Variants in CYP20A1 observed in about 807,000 individuals in gnomAD.
CYP20A1 encodes the protein cytochrome P450 20A1.
Under a neutral mutation model 61.4 loss-of-function variants are expected in CYP20A1, and 61 were observed. The observed-to-expected ratio is 0.99, with a 90% CI of 0.81 to 1.23. CYP20A1 has a LOEUF of 1.23. CYP20A1 is among the 50% of genes most tolerant of loss of function. The probability of loss-of-function intolerance (pLI) is 0.00; values close to 1 mark genes in which losing one functional copy is unlikely to be tolerated. For missense variants in CYP20A1, 530 were observed against 542.4 expected (o/e 0.98, Z 0.23); for synonymous variants, 193 against 188.2 (o/e 1.03, Z -0.21).
intron 4 of CYP20A1, among the ~76,000 whole-genome samples, chr2:203,258,262 T>A (rs2066998031): frequency 1.3e-5 from 2 of 152,208 alleles, no homozygotes; most frequent in African/African-American, 4.8e-5. Flanking sequence ...GGCACATGCC[T>A]GTATTCCCAA....
intron 9 of CYP20A1, among the ~76,000 whole-genome samples, chr2:203,287,593 C>G (rs2068334306): frequency 6.6e-6 from 1 of 152,074 alleles, no homozygotes; most frequent in South Asian, 2.1e-4. Context: ...ATGGTTACAA[C>G]TACTAGGGAG....
chr2:203,266,794 C>A, intron 5 of CYP20A1, 113 bp downstream of exon 5: 4 of 851,028 alleles, frequency 4.7e-6, no homozygotes, highest in African/African-American at 1.7e-5. Flanking sequence ...CAGCCTGCCC[C>A]ACATGGTAAA....
intron 1 of CYP20A1, among the ~76,000 whole-genome samples, chr2:203,242,336 G>A (rs1014015046): frequency 6.6e-6 from 1 of 152,130 alleles, no homozygotes; most frequent in African/African-American, 2.4e-5. Context: ...AACCTAAATG[G>A]TGTGGATTCA....
At chr2:203,290,447 A>G (rs962717785) in intron 10 of CYP20A1, among the ~76,000 whole-genome samples, 3 of 152,190 alleles carry the variant, frequency 2.0e-5, no homozygotes, top group Non-Finnish European at 4.4e-5. Flanking sequence ...TACTCTGTGT[A>G]TATATGTATA....
At chr2:203,254,104 G>C in intron 4 of CYP20A1, among the ~76,000 whole-genome samples, 1 of 27,410 alleles carries the variant, frequency 3.6e-5, no homozygotes, top group South Asian at 2.2e-3. Flanking sequence ...CTGCCACCAT[G>C]CCCAGCTCAT....
chr2:203,244,187 T>C (rs2066366224), intron 1 of CYP20A1, among the ~76,000 whole-genome samples: 1 of 151,868 alleles, frequency 6.6e-6, no homozygotes, highest in African/African-American at 2.4e-5. Flanking sequence ...AGAAAATGGC[T>C]CCGGCACAGC....
At chr2:203,259,654 G>T (rs1273752216) in intron 4 of CYP20A1, 1 of 151,816 alleles carries the variant, frequency 6.6e-6, no homozygotes, top group Non-Finnish European at 1.5e-5. Flanking sequence ...GGAGGCCAAG[G>T]CGGGCAGATC....
intron 10 of CYP20A1, among the ~76,000 whole-genome samples, chr2:203,291,744 T>G (rs1294845480): frequency 6.6e-6 from 1 of 152,050 alleles, no homozygotes; most frequent in Non-Finnish European, 1.5e-5. Context: ...TTGTTACATA[T>G]GTATACATGT....
rs1378824496 is a variant in CYP20A1, at chr2:203,285,749, A to G, written c.971+17A>G. 1.9e-6 allele frequency: 3 copies of G among 1,544,448 alleles called. No individual in the cohort carries two copies. Among genetic ancestry groups the G allele is most frequent in the Non-Finnish European group, 2.6e-6 (3 of 1,156,542 alleles). The stretch of plus-strand genomic sequence containing the variant: ...GCAGCTCAGGTAAGAACACAATAAA[A>G]AGAGGAGATTATTAAAAGGTAAATT... On this transcript the variant is annotated intron_variant, in intron 9 of 12. Transcript: ENST00000356079.
intron 3 of CYP20A1, among the ~76,000 whole-genome samples, chr2:203,250,469 C>T (rs2066618727): frequency 6.6e-6 from 1 of 151,816 alleles, no homozygotes; most frequent in African/African-American, 2.4e-5. Flanking sequence ...TGAAGTCAGG[C>T]AATCTGGTTC....
intron 4 of CYP20A1, among the ~76,000 whole-genome samples, chr2:203,261,938 G>C (rs917290082): frequency 2.6e-5 from 4 of 152,138 alleles, no homozygotes; most frequent in Non-Finnish European, 5.9e-5. Context: ...ACTCCATGCT[G>C]CAGGAGGTGC....
chr2:203,289,936 GTGTGTA>G, intron 10 of CYP20A1, 60 bp downstream of exon 10: 1 of 792,384 alleles, frequency 1.3e-6, no homozygotes, highest in Non-Finnish European at 2.0e-6. Flanking sequence ...TGGTGTGTGT[GTGTGTA>G]TATATATATA....
chr2:203,284,284 G>T (rs2068171689), intron 8 of CYP20A1, among the ~76,000 whole-genome samples: 1 of 152,108 alleles, frequency 6.6e-6, no homozygotes, highest in Admixed American at 6.6e-5. Flanking sequence ...GTTACTAGAA[G>T]GATATTAAAA....
rs1360707276 is a variant in CYP20A1, at chr2:203,303,175, A to AT, written c.*6276dup. Reference sequence around the variant, plus strand: ...GCCACTACACTCAGCTAATTTTTGTATTTTTTTTTAGTAGAGACAGGGTTT... The same window carrying AT: ...GCCACTACACTCAGCTAATTTTTGTATTTTTTTTTTAGTAGAGACAGGGTTT... On this transcript the variant is annotated 3_prime_UTR_variant, in exon 13 of 13. Transcript: ENST00000356079. 2.5e-3 allele frequency among the ~76,000 whole-genome samples: 352 copies of AT among 143,488 alleles called. 4 individuals are homozygous for AT. Among genetic ancestry groups the AT allele is most frequent in the Admixed American group, 0.015 (218 of 14,288 alleles). The allele number at this position is 143,488 out of a possible 152,430, so 94.1% of individuals were successfully genotyped here. A position where few individuals can be genotyped will look rare whatever the true frequency, so the allele number is the denominator to read the frequency against.
chr2:203,289,166 A>G (rs1225097539), intron 9 of CYP20A1, among the ~76,000 whole-genome samples: 1 of 152,162 alleles, frequency 6.6e-6, no homozygotes, highest in Non-Finnish European at 1.5e-5. Flanking sequence ...TATGATTGGC[A>G]ATCTTTAAGT....
rs1019481726 is a variant in CYP20A1, at chr2:203,246,775, T to C, written c.143T>C (p.Ile48Thr). 6 of 1,613,932 alleles carry C rather than the reference T, an allele frequency of 3.7e-6. No homozygotes were observed. In the African/African-American group the frequency reaches 4.0e-5, roughly 11 times the overall value. Reference protein sequence around the residue: ...TEEKDGNLPDIVNSGSLHEFL... With the variant: ...TEEKDGNLPDTVNSGSLHEFL... ...GCCAGAGATGGTAATCTTCCAGATA[T>C]TGTGAATAGTGGAAGTTTGCATGAG... is the stretch of plus-strand genomic sequence containing the variant. Residue 48 changes from isoleucine (I) to threonine (T), a missense_variant, in exon 3 of 13, where the codon ATT (isoleucine) becomes ACT (threonine). Ile to Thr is a moderately conservative substitution (Grantham distance 89). Coordinates refer to ENST00000356079, the MANE Select transcript of CYP20A1 (RefSeq NM_177538.3).
intron 10 of CYP20A1, among the ~76,000 whole-genome samples, chr2:203,291,092 AG>A: frequency 6.6e-6 from 1 of 152,112 alleles, no homozygotes; most frequent in Admixed American, 6.6e-5. Flanking sequence ...TATTATTTTT[AG>A]ACAGGGTCTT....
At chr2:203,258,154 C>A (rs888599860) in intron 4 of CYP20A1, among the ~76,000 whole-genome samples, 1 of 152,202 alleles carries the variant, frequency 6.6e-6, no homozygotes. Flanking sequence ...CCTCCTGCCT[C>A]GGGCTCCCGA....
intron 1 of CYP20A1, among the ~76,000 whole-genome samples, chr2:203,243,785 G>A (rs1472981261): frequency 5.4e-5 from 8 of 147,564 alleles, no homozygotes; most frequent in African/African-American, 2.0e-4. Flanking sequence ...GACCTCCCAG[G>A]CTCAAGTGAT....
Sources: gnomAD v4.1 joint callset for allele counts (sites outside exome capture counted in the v4.1 genomes callset) on GRCh38, gnomAD v4.1.1 for gene constraint, MANE v1.5 for transcripts, NCBI Gene and HGNC (gene_info 2026-07-23, HGNC 2026-07-21) for gene names.